The following CDH10 variants were observed in gnomAD, a reference collection of about 807,000 sequenced individuals.
The protein encoded by CDH10 is cadherin-10.
A neutral mutation model predicts 73.1 loss-of-function variants in CDH10; 30 were observed. That is an observed-to-expected ratio of 0.41 (90% confidence interval 0.31 to 0.56). The LOEUF is 0.56. Among genes scored for constraint, CDH10 ranks in the 20% least tolerant of loss-of-function variants. The pLI, the probability that CDH10 is intolerant of heterozygous loss-of-function variation, is 0.27. For missense variants in CDH10, 815 were observed against 973.7 expected, an observed-to-expected ratio of 0.84 and a Z score of 2.17; for synonymous variants, 345 against 348.2, an observed-to-expected ratio of 0.99 and a Z score of 0.10.
At chr5:24,577,675 A>G (rs2112044025) in intron 2 of CDH10, among the ~76,000 whole-genome samples, 1 of 152,284 alleles carries the variant, frequency 6.6e-6, no homozygotes, top group East Asian at 1.9e-4. Context: ...CTAGATTTAG[A>G]TTTCTTCCAA....
chr5:24,570,909 T>G (rs539955350), intron 2 of CDH10, among the ~76,000 whole-genome samples: 8 of 152,214 alleles, frequency 5.3e-5, no homozygotes, highest in African/African-American at 1.4e-4. Flanking sequence ...CACTTCAGTG[T>G]GTAGTGTGAA....
rs138991415 is a variant in CDH10, at chr5:24,513,121, T to A, written c.815-1607A>T. 5.0e-3 allele frequency among the ~76,000 whole-genome samples: 756 copies of A among 151,954 alleles called. 11 individuals are homozygous for A. Among genetic ancestry groups the A allele is most frequent in the African/African-American group, 0.017 (714 of 41,434 alleles). On this transcript the variant is annotated intron_variant, in intron 5 of 11. Coordinates refer to ENST00000264463, the MANE Select transcript of CDH10 (RefSeq NM_006727.5). Reference sequence around the variant, plus strand: ...TGCACCCTTACCTCCCGGGTTCAAGTGATTCTCGTGCCTCAGCCTCCTGAG... The same window carrying A: ...TGCACCCTTACCTCCCGGGTTCAAGAGATTCTCGTGCCTCAGCCTCCTGAG...
At chr5:24,589,436 G>T (rs1263540578) in intron 2 of CDH10, among the ~76,000 whole-genome samples, 1 of 151,708 alleles carries the variant, frequency 6.6e-6, no homozygotes, top group African/African-American at 2.4e-5. Context: ...AGGCAAGAGA[G>T]ATTTTACTAT....
Position 24,511,524 on chromosome 5 carries a change from A to G in CDH10, c.815-10T>C, listed in dbSNP as rs749972520. 2 of 1,325,614 alleles carry G rather than the reference A, an allele frequency of 1.5e-6. No homozygotes were observed. Among genetic ancestry groups the G allele is most frequent in the Non-Finnish European group, 2.2e-6 (2 of 924,352 alleles). The allele number at this position is 1,325,614 out of a possible 1,614,324, so 82.1% of individuals were successfully genotyped here. Reference sequence around the variant, plus strand: ...CGAAGATGAATAGTGTCTGTAAAGTATAAAGAAAAGAAGAGAGAGACAGAG... The same window carrying G: ...CGAAGATGAATAGTGTCTGTAAAGTGTAAAGAAAAGAAGAGAGAGACAGAG... On this transcript the variant is annotated splice_polypyrimidine_tract_variant and intron_variant, in intron 5 of 11. Transcript: ENST00000264463.
chr5:24,507,961 T>C (rs1273209573), intron 7 of CDH10, among the ~76,000 whole-genome samples: 1 of 152,212 alleles, frequency 6.6e-6, no homozygotes, highest in African/African-American at 2.4e-5. Flanking sequence ...ATTCATAAAA[T>C]ACATGATTTC....
intron 2 of CDH10, among the ~76,000 whole-genome samples, chr5:24,561,758 T>C (rs1382843077): frequency 1.3e-5 from 2 of 152,126 alleles, no homozygotes; most frequent in African/African-American, 2.4e-5. Context: ...TCAGTTCATC[T>C]CTAGGAAATC....
At chr5:24,516,588 G>C (rs1168738000) in intron 5 of CDH10, among the ~76,000 whole-genome samples, 1 of 151,714 alleles carries the variant, frequency 6.6e-6, no homozygotes, top group African/African-American at 2.4e-5. Flanking sequence ...GATCAGTATA[G>C]ATTCAAAAAC....
intron 5 of CDH10, among the ~76,000 whole-genome samples, chr5:24,512,072 GT>G (rs1439727695): frequency 6.6e-6 from 1 of 152,032 alleles, no homozygotes; most frequent in Non-Finnish European, 1.5e-5. Flanking sequence ...ATATATATCT[GT>G]ACAACAAACC....
intron 6 of CDH10, among the ~76,000 whole-genome samples, chr5:24,510,124 G>A: frequency 6.6e-6 from 1 of 152,146 alleles, no homozygotes; most frequent in Non-Finnish European, 1.5e-5. Context: ...TGGGCTAATG[G>A]ATGTTGCATG....
At chr5:24,589,250 T>C (rs773111940) in intron 2 of CDH10, among the ~76,000 whole-genome samples, 4 of 152,126 alleles carry the variant, frequency 2.6e-5, no homozygotes, top group Non-Finnish European at 5.9e-5. Flanking sequence ...AATATATGCT[T>C]TAAGACTGGA....
At chr5:24,586,691 C>T (rs547146864) in intron 2 of CDH10, among the ~76,000 whole-genome samples, 4 of 151,730 alleles carry the variant, frequency 2.6e-5, no homozygotes, top group South Asian at 2.1e-4. Flanking sequence ...GTGATCCACC[C>T]GCCTTGACCT....
At chr5:24,502,866 G>T (rs1742547808) in intron 8 of CDH10, among the ~76,000 whole-genome samples, 1 of 152,182 alleles carries the variant, frequency 6.6e-6, no homozygotes, top group South Asian at 2.1e-4. Context: ...AGAAATAAAA[G>T]CTTTCCTTAG....
chr5:24,521,883 C>A (rs1743345102), intron 5 of CDH10, among the ~76,000 whole-genome samples: 1 of 152,078 alleles, frequency 6.6e-6, no homozygotes, highest in South Asian at 2.1e-4. Flanking sequence ...CACCTATAAT[C>A]CCAGCACTTT....
chr5:24,639,711 A>C (rs1188518455), intron 1 of CDH10, among the ~76,000 whole-genome samples: 1 of 151,806 alleles, frequency 6.6e-6, no homozygotes, highest in African/African-American at 2.4e-5. Context: ...GCAGCAAAGA[A>C]GAATCAACAT....
chr5:24,507,500 T>C (rs1301994511), intron 7 of CDH10, among the ~76,000 whole-genome samples: 1 of 151,976 alleles, frequency 6.6e-6, no homozygotes, highest in Non-Finnish European at 1.5e-5. Flanking sequence ...CAGATATATT[T>C]TGACATATAA....
At chr5:24,644,377 T>C (rs1240243924) in intron 1 of CDH10, among the ~76,000 whole-genome samples, 1 of 152,206 alleles carries the variant, frequency 6.6e-6, no homozygotes, top group Non-Finnish European at 1.5e-5. Flanking sequence ...TTTATCCAGC[T>C]TTACATTGCC....
At chr5:24,584,002 C>T (rs10942064) in intron 2 of CDH10, among the ~76,000 whole-genome samples, 57,795 of 151,952 alleles carry the variant, frequency 0.38, 13,138 homozygotes, top group East Asian at 0.53. Flanking sequence ...TGGAGTCATA[C>T]GTTCAGGGTC....
chr5:24,509,630 CA>C lies in CDH10; in HGVS notation c.1191del (p.Ile397MetfsTer10). ...SSYLFEVHED[I>X]EVGTIIGTVM... ...ACAGTACCAATGATTGTGCCCACTT[CA>C]ATATCTTCATGAACTTCAAACAGAT... is the stretch of plus-strand genomic sequence containing the variant. On this transcript the variant is annotated frameshift_variant, in exon 7 of 12. Transcript: ENST00000264463. LOFTEE classifies it high-confidence loss of function. 1 of 1,613,718 alleles carries C rather than the reference CA, an allele frequency of 6.2e-7. No individual in the cohort carries two copies.
At chr5:24,539,739 G>A (rs116795725) in intron 2 of CDH10, among the ~76,000 whole-genome samples, 3,440 of 152,034 alleles carry the variant, frequency 0.023, 108 homozygotes, top group African/African-American at 0.072. Context: ...AAAGCTTTCC[G>A]AAGTAACATG....
Sources: allele counts gnomAD v4.1 joint callset (sites outside exome capture counted in the v4.1 genomes callset), GRCh38; gene constraint gnomAD v4.1.1; transcripts MANE v1.5; gene names NCBI Gene and HGNC (gene_info 2026-07-23, HGNC 2026-07-21).